BLZF1: variants seen among roughly 807,000 people sequenced by gnomAD.
BLZF1 encodes golgin-45.
A neutral mutation model predicts 43.8 loss-of-function variants in BLZF1; 39 were observed. The ratio of observed to expected loss-of-function variants is 0.89; its 90% CI spans 0.69 to 1.16. The LOEUF (loss-of-function observed/expected upper bound fraction) is 1.16, where lower values mean the gene tolerates loss of function less well. Among genes scored for constraint, BLZF1 ranks in the 50% most tolerant of loss-of-function variants. The pLI is 0.00. For missense variants in BLZF1, 449 were observed against 469.8 expected, an observed-to-expected ratio of 0.96 and a Z score of 0.41; for synonymous variants, 136 against 159.4, an observed-to-expected ratio of 0.85 and a Z score of 1.11.
intron 4 of BLZF1, among the ~76,000 whole-genome samples, chr1:169,379,890 A>G (rs1303988749): frequency 6.6e-6 from 1 of 151,956 alleles, no homozygotes; most frequent in Non-Finnish European, 1.5e-5. Flanking sequence ...AAAAACTAAG[A>G]TTTAGAAAAG....
Position 169,375,393 on chromosome 1 carries a change from C to CATATATATATATATATATATAT in BLZF1, c.29-1130_29-1109dup, listed in dbSNP as rs58679820. On this transcript the variant is annotated intron_variant, in intron 2 of 6. Transcript: ENST00000367808. Reference sequence around the variant, plus strand: ...ACATATAAAACATATATATATAAAACATATATATATATATATATATATATA... The same window carrying CATATATATATATATATATATAT: ...ACATATAAAACATATATATATAAAACATATATATATATATATATATATATATATATATATATATATATATATA... 2.2e-4 allele frequency among the ~76,000 whole-genome samples: 19 copies of CATATATATATATATATATATAT among 85,840 alleles called. 2 individuals carry two copies. Among genetic ancestry groups the CATATATATATATATATATATAT allele is most frequent in the South Asian group, 8.1e-4 (2 of 2,476 alleles). The allele number at this position is 85,840 out of a possible 152,430, so 56.3% of individuals were successfully genotyped here. A position where few individuals can be genotyped will look rare whatever the true frequency, so the allele number is the denominator to read the frequency against.
rs201383109 is a variant in BLZF1, at chr1:169,386,978, T to C, written c.1018-19T>C. On this transcript the variant is annotated intron_variant, in intron 6 of 6. Coordinates refer to ENST00000367808, the MANE Select transcript of BLZF1 (RefSeq NM_001320973.2). ...CATCTATATTGCATACTTCTGACAT[T>C]ATATCTTATTTTCCTTAGGTTCTAA... 2,110 of 1,560,446 alleles carry C rather than the reference T, an allele frequency of 1.4e-3. 3 individuals carry two copies. Among genetic ancestry groups the C allele is most frequent in the Non-Finnish European group, 1.5e-3 (1,742 of 1,139,220 alleles).
chr1:169,392,524 A>G (rs1654838659), downstream of BLZF1, among the ~76,000 whole-genome samples: 1 of 152,200 alleles, frequency 6.6e-6, no homozygotes. Flanking sequence ...TTGAACCTCT[A>G]TGTGATATTG....
intron 2 of BLZF1, among the ~76,000 whole-genome samples, chr1:169,371,815 G>C (rs1314374558): frequency 2.0e-5 from 3 of 152,108 alleles, no homozygotes; most frequent in African/African-American, 7.2e-5. Context: ...AGTAATAGTA[G>C]ACCAAATAGA....
At chr1:169,395,219 G>T in intron 7 of BLZF1, 1 of 1,605,052 alleles carries the variant, frequency 6.2e-7, no homozygotes, top group Non-Finnish European at 8.5e-7. Context: ...GTAGAAACAG[G>T]CATGATCAGA....
intron 2 of BLZF1, among the ~76,000 whole-genome samples, chr1:169,375,393 CATATATATATATATATATATAT>C (rs58679820): frequency 6.8e-4 from 58 of 85,840 alleles, no homozygotes; most frequent in Middle Eastern, 6.3e-3. Context: ...ATATATAAAA[CATATATATATATATATATATAT>C]ATATATATAT....
chr1:169,388,855 T>C (rs979951803), downstream of BLZF1, among the ~76,000 whole-genome samples: 1 of 152,084 alleles, frequency 6.6e-6, no homozygotes, highest in African/African-American at 2.4e-5. Flanking sequence ...GCGCAGTGGC[T>C]CACGCCTGTA....
At position 169,378,814 on chromosome 1, in the gene BLZF1, T is replaced by C. The variant is rs138297893; in HGVS notation, c.668+285T>C. 1.8e-3 allele frequency among the ~76,000 whole-genome samples: 276 copies of C among 152,090 alleles called. 1 individual carries two copies. The highest frequency in any genetic ancestry group is 6.2e-3 in the African/African-American group (256 of 41,540). On this transcript the variant is annotated intron_variant, in intron 4 of 6. Coordinates refer to ENST00000367808, the MANE Select transcript of BLZF1 (RefSeq NM_001320973.2). ...TGTAAACTCAGACATCTAGTAAACA[T>C]TAAAATCACAAAAAGCCAAACTAAA...
intron 2 of BLZF1, among the ~76,000 whole-genome samples, chr1:169,375,915 A>T (rs189122754): frequency 6.6e-6 from 1 of 152,156 alleles, no homozygotes; most frequent in Non-Finnish European, 1.5e-5. Context: ...GAATTTGGGT[A>T]TGATATGGTG....
intron 5 of BLZF1, 107 bp from the exon 6 acceptor site, chr1:169,381,955 G>A: frequency 1.1e-6 from 1 of 873,038 alleles, no homozygotes; most frequent in Non-Finnish European, 1.7e-6. Context: ...AGGGATCAGA[G>A]AAAGATGTTA....
intron 1 of BLZF1, 70 bp from the exon 2 acceptor site, chr1:169,369,403 T>G (rs1398693374): frequency 1.3e-6 from 1 of 751,940 alleles, no homozygotes; most frequent in Non-Finnish European, 2.1e-6. Context: ...ATATCATAAC[T>G]TTTAAATTGG....
At chr1:169,394,537 A>G (rs1040716597) in intron 7 of BLZF1, among the ~76,000 whole-genome samples, 1 of 152,048 alleles carries the variant, frequency 6.6e-6, no homozygotes, top group African/African-American at 2.4e-5. Flanking sequence ...TGAATACACA[A>G]TGTTTAGCTC....
chr1:169,388,199 C>CA lies in BLZF1; in HGVS notation c.*1020dup, dbSNP rs1475920519. 1 of 152,074 alleles carries CA rather than the reference C, an allele frequency of 6.6e-6. No individual in the cohort carries two copies. Among genetic ancestry groups the CA allele is most frequent in the African/African-American group, 2.4e-5 (1 of 41,428 alleles). 9.4% of individuals were successfully genotyped at this position (152,074 alleles called of 1,614,324 possible). Reference sequence around the variant, plus strand: ...GCCTGTGAGAGAAATCTTCAAAAGACAAACCTGGTCAAATAATAATAATTT... The same window carrying CA: ...GCCTGTGAGAGAAATCTTCAAAAGACAAAACCTGGTCAAATAATAATAATTT... On this transcript the variant is annotated 3_prime_UTR_variant, in exon 7 of 7. Coordinates refer to ENST00000367808, the MANE Select transcript of BLZF1 (RefSeq NM_001320973.2).
At chr1:169,375,649 T>C (rs748365785) in intron 2 of BLZF1, among the ~76,000 whole-genome samples, 7 of 151,436 alleles carry the variant, frequency 4.6e-5, no homozygotes, top group Non-Finnish European at 1.0e-4. Context: ...TCTTACCTCA[T>C]AGAATGTCTA....
chr1:169,370,511 CA>C (rs1571431907), intron 2 of BLZF1, among the ~76,000 whole-genome samples: 1 of 152,278 alleles, frequency 6.6e-6, no homozygotes, highest in East Asian at 1.9e-4. Context: ...TGTAGCCTTT[CA>C]CTGTCCAATG....
chr1:169,377,062 C>G, intron 3 of BLZF1, 83 bp downstream of exon 3: 1 of 1,124,306 alleles, frequency 8.9e-7, no homozygotes, highest in Non-Finnish European at 1.3e-6. Flanking sequence ...AACTACATTT[C>G]TTTATGGGAA....
chr1:169,375,102 A>G (rs1302970320), intron 2 of BLZF1, among the ~76,000 whole-genome samples: 3 of 151,888 alleles, frequency 2.0e-5, no homozygotes, highest in East Asian at 3.9e-4. Context: ...TAAGAAAAAT[A>G]TGTAGGCATA....
intron 7 of BLZF1, among the ~76,000 whole-genome samples, chr1:169,393,889 A>T (rs1553201605): frequency 6.6e-6 from 1 of 152,182 alleles, no homozygotes; most frequent in Non-Finnish European, 1.5e-5. Context: ...GGCGTGAGCC[A>T]CCGCACCCAG....
intron 2 of BLZF1, among the ~76,000 whole-genome samples, chr1:169,371,822 TAGAA>T (rs1208481316): frequency 2.6e-5 from 4 of 152,178 alleles, no homozygotes; most frequent in Non-Finnish European, 5.9e-5. Flanking sequence ...GTAGACCAAA[TAGAA>T]AGGTCTGAGA....
Sources: gnomAD v4.1 joint callset for allele counts (sites outside exome capture counted in the v4.1 genomes callset) on GRCh38, gnomAD v4.1.1 for gene constraint, MANE v1.5 for transcripts, NCBI Gene and HGNC (gene_info 2026-07-23, HGNC 2026-07-21) for gene names.